The following BACE2 variants were observed in gnomAD, a reference collection of about 807,000 sequenced individuals.
BACE2 encodes the protein beta-secretase 2, also known as 56 kDa aspartic-like protease.
In BACE2, 17 loss-of-function variants were observed where a neutral mutation model predicts 46.2. The observed-to-expected ratio is 0.37, with a 90% CI of 0.25 to 0.55. The LOEUF (loss-of-function observed/expected upper bound fraction) is 0.55. Ranked by LOEUF, BACE2 falls within the 20% of genes least tolerant of loss-of-function variation. The probability of loss-of-function intolerance (pLI) is 0.82; values close to 1 mark genes in which losing one functional copy is unlikely to be tolerated. For missense variants in BACE2, 595 were observed against 698.1 expected (o/e 0.85, Z 1.66); for synonymous variants, 277 against 295.9 (o/e 0.94, Z 0.66).
Position 41,238,462 on chromosome 21 carries a change from C to T in BACE2, c.618+733C>T, listed in dbSNP as rs1344429124. Among the ~76,000 whole-genome samples, 6 of 152,174 alleles carry T rather than the reference C, an allele frequency of 3.9e-5. No individual in the cohort carries two copies. The East Asian group carries it at 1.2e-3, about 29-fold the overall frequency. On this transcript the variant is annotated intron_variant, in intron 3 of 8. Transcript: ENST00000330333. ...ATTGCCAAAGGCAGGCGGGAGTAGA[C>T]GCTAGGGGTGTGTGCAGGGCTCCTG...
intron 5 of BACE2, 92 bp downstream of exon 5, chr21:41,243,602 AC>A: frequency 5.3e-6 from 7 of 1,318,694 alleles, no homozygotes; most frequent in Non-Finnish European, 7.1e-6. Context: ...AATAGAAGGT[AC>A]ATTACCTCGT....
At chr21:41,177,927 A>G (rs1256142675) in intron 1 of BACE2, 2 of 152,260 alleles carry the variant, frequency 1.3e-5, no homozygotes, top group African/African-American at 4.8e-5. Context: ...CTTGGTGGCA[A>G]ACAGACCTGG....
intron 1 of BACE2, among the ~76,000 whole-genome samples, chr21:41,206,486 T>C (rs1986129556): frequency 6.6e-6 from 1 of 152,236 alleles, no homozygotes; most frequent in South Asian, 2.1e-4. Context: ...TGGCACATGC[T>C]ATAACATGGA....
At chr21:41,221,745 G>A (rs947100164) in intron 1 of BACE2, among the ~76,000 whole-genome samples, 3 of 151,292 alleles carry the variant, frequency 2.0e-5, no homozygotes, top group Non-Finnish European at 4.4e-5. Context: ...GGAGAATGGC[G>A]TGAGCCCAGG....
At position 41,173,338 on chromosome 21, in the gene BACE2, G is replaced by A. The variant is rs142400870; in HGVS notation, c.312+4763G>A. On this transcript the variant is annotated intron_variant, in intron 1 of 8. Transcript: ENST00000330333. ...AGTGCTGTATTGATATGAAGCCTGC[G>A]GCAAGAGAGTGCCCTGGGGCTTAGG... is the stretch of plus-strand genomic sequence containing the variant. Among the ~76,000 whole-genome samples, 13 of 152,336 alleles carry A rather than the reference G, an allele frequency of 8.5e-5. No homozygotes were observed. The East Asian group carries it at 1.2e-3, about 14-fold the overall frequency.
intron 1 of BACE2, among the ~76,000 whole-genome samples, chr21:41,214,862 C>T (rs902569579): frequency 4.6e-5 from 7 of 151,888 alleles, no homozygotes; most frequent in South Asian, 4.2e-4. Flanking sequence ...TCCTGTGTGA[C>T]GGTGATGCAC....
At chr21:41,173,638 C>G (rs1460617969) in intron 1 of BACE2, among the ~76,000 whole-genome samples, 1 of 151,922 alleles carries the variant, frequency 6.6e-6, no homozygotes, top group Non-Finnish European at 1.5e-5. Flanking sequence ...CCCAGCTACT[C>G]AGGAGGCTGA....
rs559873325 is a variant in BACE2, at chr21:41,275,488, C to A, written c.1421C>A (p.Ala474Glu). 4 of 1,614,000 alleles carry A rather than the reference C, an allele frequency of 2.5e-6. No homozygotes were observed. Among genetic ancestry groups the A allele is most frequent in the Non-Finnish European group, 3.4e-6 (4 of 1,180,038 alleles). ...SEPILWIVSYALMSVCGAILL... is the reference protein window; with the variant it reads ...SEPILWIVSYELMSVCGAILL... ...CCCATTTTGTGGATTGTGTCCTATGCGCTCATGAGCGTCTGTGGAGCCATC... is the reference window on the plus strand; with the variant it reads ...CCCATTTTGTGGATTGTGTCCTATGAGCTCATGAGCGTCTGTGGAGCCATC... Residue 474 changes from alanine to glutamate, a missense_variant, in exon 9 of 9, where the codon GCG becomes GAG. Physicochemically the swap from Ala to Glu is moderately radical, Grantham distance 107. Coordinates refer to ENST00000330333, the MANE Select transcript of BACE2 (RefSeq NM_012105.5).
At chr21:41,216,267 C>T (rs924753314) in intron 1 of BACE2, among the ~76,000 whole-genome samples, 1 of 152,168 alleles carries the variant, frequency 6.6e-6, no homozygotes, top group Admixed American at 6.5e-5. Context: ...CAGCCCAGAG[C>T]GTTTACTGTG....
At chr21:41,221,819 C>T (rs993824754) in intron 1 of BACE2, among the ~76,000 whole-genome samples, 3 of 128,066 alleles carry the variant, frequency 2.3e-5, no homozygotes, top group Non-Finnish European at 4.7e-5. Context: ...CTGAGCGAGA[C>T]TCTGTCTCAA....
At chr21:41,247,877 G>A (rs1180051365) in intron 6 of BACE2, among the ~76,000 whole-genome samples, 2 of 152,232 alleles carry the variant, frequency 1.3e-5, no homozygotes, top group Non-Finnish European at 2.9e-5. Context: ...CTGGCTTACC[G>A]TCTCTGGACC....
chr21:41,250,683 A>G, intron 6 of BACE2, 69 bp from the exon 7 acceptor site: 2 of 1,498,426 alleles, frequency 1.3e-6, no homozygotes, highest in South Asian at 2.3e-5. Flanking sequence ...TGGCTAGGAA[A>G]GCCTGGAGCT....
intron 6 of BACE2, among the ~76,000 whole-genome samples, chr21:41,246,430 A>G (rs1987474569): frequency 6.6e-6 from 1 of 152,182 alleles, no homozygotes. Context: ...TAATCTGCAA[A>G]AAACAATACT....
chr21:41,170,864 G>C (rs1984583244), intron 1 of BACE2, among the ~76,000 whole-genome samples: 1 of 152,220 alleles, frequency 6.6e-6, no homozygotes, highest in African/African-American at 2.4e-5. Context: ...ACTGCGCTCT[G>C]TGCTTTAGGT....
intron 1 of BACE2, among the ~76,000 whole-genome samples, chr21:41,209,621 C>T (rs868153449): frequency 1.3e-5 from 2 of 152,152 alleles, no homozygotes; most frequent in Non-Finnish European, 2.9e-5. Flanking sequence ...GGACAAGGCA[C>T]GATGCTCAGA....
In BACE2 at chr21:41,212,909, A is replaced by G. The variant is rs544032774; in HGVS notation, c.313-13357A>G. Reference sequence around the variant, plus strand: ...TATTTATATAGCAGCTGGGAAGTTGACTAAGTTTAGCCTACCCTTGCCATG... The same window carrying G: ...TATTTATATAGCAGCTGGGAAGTTGGCTAAGTTTAGCCTACCCTTGCCATG... On this transcript the variant is annotated intron_variant, in intron 1 of 8. Transcript: ENST00000330333. Among the ~76,000 whole-genome samples the G allele has an allele frequency of 2.0e-5, 3 of 152,304 alleles. No individual in the cohort carries two copies. The South Asian group carries it at 6.2e-4, about 32-fold the overall frequency.
intron 1 of BACE2, among the ~76,000 whole-genome samples, chr21:41,172,252 C>T (rs950546914): frequency 6.6e-6 from 1 of 152,202 alleles, no homozygotes; most frequent in Non-Finnish European, 1.5e-5. Flanking sequence ...GACTGTATTA[C>T]AGAGGACTGG....
chr21:41,251,583 C>G (rs1987640497), intron 7 of BACE2, among the ~76,000 whole-genome samples: 1 of 152,162 alleles, frequency 6.6e-6, no homozygotes, highest in Admixed American at 6.5e-5. Context: ...GGCAAATCAC[C>G]TGAGGTCAGG....
At chr21:41,205,810 G>C (rs139762914) in intron 1 of BACE2, among the ~76,000 whole-genome samples, 4 of 152,116 alleles carry the variant, frequency 2.6e-5, no homozygotes, top group Non-Finnish European at 5.9e-5. Context: ...CTGGTCTTCC[G>C]TCTTAACATC....
Sources: allele counts gnomAD v4.1 joint callset (sites outside exome capture counted in the v4.1 genomes callset), GRCh38; gene constraint gnomAD v4.1.1; transcripts MANE v1.5; gene names NCBI Gene and HGNC (gene_info 2026-07-23, HGNC 2026-07-21).